The following CHST9 variants were observed in gnomAD, a reference collection of about 807,000 sequenced individuals.
The protein encoded by CHST9 is GalNAc-4-sulfotransferase 2.
A neutral mutation model predicts 44.4 loss-of-function variants in CHST9; 41 were observed. The observed-to-expected ratio is 0.92, with a 90% CI of 0.72 to 1.20. The LOEUF (loss-of-function observed/expected upper bound fraction) is 1.20, where lower values mean the gene tolerates loss of function less well. CHST9 is among the 50% of genes most tolerant of loss of function. The pLI is 0.00. For synonymous variants in CHST9, 171 were observed against 178.4 expected (o/e 0.96, Z 0.33); for missense variants, 504 against 516.5 (o/e 0.98, Z 0.23).
chr18:27,063,770 CA>C lies in CHST9; in HGVS notation c.122-15268del, dbSNP rs200749606. ...TCACTATTTGCTATAGATTTTTTTT[CA>C]AAAAAGTTATGAGATTATTTGCATA... On this transcript the variant is annotated intron_variant, in intron 2 of 5. Transcript: ENST00000618847. 6.2e-3 allele frequency among the ~76,000 whole-genome samples: 931 copies of C among 150,390 alleles called. 19 individuals carry two copies. Among genetic ancestry groups the C allele is most frequent in the African/African-American group, 0.021 (877 of 41,210 alleles).
chr18:27,091,459 C>A (rs138410508), intron 2 of CHST9, among the ~76,000 whole-genome samples: 12 of 151,994 alleles, frequency 7.9e-5, no homozygotes, highest in African/African-American at 7.3e-5. Context: ...CCTGATTGCC[C>A]TGGCCAGAAT....
intron 1 of CHST9, among the ~76,000 whole-genome samples, chr18:27,147,987 T>C (rs78731757): frequency 6.6e-6 from 1 of 152,048 alleles, no homozygotes; most frequent in East Asian, 1.9e-4. Flanking sequence ...TACTCATTAG[T>C]TATTTTTCCT....
intron 2 of CHST9, among the ~76,000 whole-genome samples, chr18:27,107,019 G>A (rs2058227210): frequency 6.6e-6 from 1 of 152,136 alleles, no homozygotes; most frequent in Admixed American, 6.5e-5. Flanking sequence ...TGGCATCAAA[G>A]GATGGAGTGG....
chr18:27,141,783 C>CA (rs1244736716), intron 2 of CHST9, among the ~76,000 whole-genome samples: 1 of 147,876 alleles, frequency 6.8e-6, no homozygotes, highest in Non-Finnish European at 1.5e-5. Context: ...CAACTGGAGA[C>CA]AATCAAAAAA....
intron 1 of CHST9, among the ~76,000 whole-genome samples, chr18:27,163,070 A>C (rs1315578079): frequency 6.6e-6 from 1 of 152,168 alleles, no homozygotes; most frequent in African/African-American, 2.4e-5. Context: ...AGTTTGCTGG[A>C]GGTCCACTCC....
chr18:27,082,445 C>T (rs900940333), intron 2 of CHST9, among the ~76,000 whole-genome samples: 1 of 152,130 alleles, frequency 6.6e-6, no homozygotes, highest in South Asian at 2.1e-4. Context: ...TGCTGTGTCC[C>T]ACAAGTGAGT....
chr18:27,129,257 C>T (rs1330343991), intron 2 of CHST9, among the ~76,000 whole-genome samples: 2 of 152,014 alleles, frequency 1.3e-5, no homozygotes, highest in Non-Finnish European at 2.9e-5. Flanking sequence ...TAAAAATGAT[C>T]CTTATTTTAT....
intron 1 of CHST9, among the ~76,000 whole-genome samples, chr18:27,170,536 T>G (rs2058826519): frequency 6.6e-6 from 1 of 152,188 alleles, no homozygotes; most frequent in Non-Finnish European, 1.5e-5. Flanking sequence ...TTCCCTTCAG[T>G]GTGATAGTGA....
chr18:27,083,295 T>C (rs2057978329), intron 2 of CHST9, among the ~76,000 whole-genome samples: 2 of 152,150 alleles, frequency 1.3e-5, no homozygotes, highest in Non-Finnish European at 2.9e-5. Flanking sequence ...ATTACTAAAA[T>C]TTAATATGAA....
intron 3 of CHST9, among the ~76,000 whole-genome samples, chr18:27,034,051 C>T (rs1395159704): frequency 6.6e-6 from 1 of 152,226 alleles, no homozygotes; most frequent in Admixed American, 6.5e-5. Context: ...TGTTTCTAAC[C>T]TAGATAATTG....
chr18:27,165,133 T>C (rs1042407861), intron 1 of CHST9, among the ~76,000 whole-genome samples: 25 of 152,242 alleles, frequency 1.6e-4, no homozygotes, highest in African/African-American at 5.3e-4. Context: ...AACAGATGCT[T>C]GGGAGACTGT....
chr18:26,944,321 G>A lies in CHST9; in HGVS notation c.240+8C>T. On this transcript the variant is annotated splice_region_variant and intron_variant, in intron 5 of 5. Coordinates refer to ENST00000618847, the MANE Select transcript of CHST9 (RefSeq NM_031422.6). The stretch of plus-strand genomic sequence containing the variant: ...CTATATTAGAGTTTACGAGAAATGA[G>A]AGAATACCTGGTTGGTGATATGTTC... The A allele has an allele frequency of 6.2e-7, 1 of 1,604,350 alleles. No individual in the cohort carries two copies. Among genetic ancestry groups the A allele is most frequent in the Non-Finnish European group, 8.5e-7 (1 of 1,171,730 alleles).
intron 2 of CHST9, among the ~76,000 whole-genome samples, chr18:27,082,722 T>C (rs999767909): frequency 2.0e-5 from 3 of 152,170 alleles, no homozygotes; most frequent in African/African-American, 7.2e-5. Context: ...AAGAAAAAGA[T>C]ATAACTTTGT....
intron 3 of CHST9, among the ~76,000 whole-genome samples, chr18:27,030,053 G>A (rs1157330321): frequency 6.6e-6 from 1 of 152,194 alleles, no homozygotes; most frequent in Non-Finnish European, 1.5e-5. Flanking sequence ...AATGATTTCA[G>A]TTTATGTTAA....
intron 2 of CHST9, among the ~76,000 whole-genome samples, chr18:27,078,479 A>C (rs544412035): frequency 1.3e-5 from 2 of 152,286 alleles, no homozygotes; most frequent in Non-Finnish European, 2.9e-5. Flanking sequence ...TAAAGTATAT[A>C]TATATATATC....
intron 5 of CHST9, among the ~76,000 whole-genome samples, chr18:26,930,515 A>G (rs1232059413): frequency 6.6e-6 from 1 of 152,114 alleles, no homozygotes; most frequent in Non-Finnish European, 1.5e-5. Context: ...TTTTTAGAAT[A>G]TTATTTCATT....
At chr18:27,168,630 T>C (rs188908117) in intron 1 of CHST9, among the ~76,000 whole-genome samples, 27 of 152,236 alleles carry the variant, frequency 1.8e-4, no homozygotes, top group Non-Finnish European at 3.4e-4. Flanking sequence ...TAGATATTAA[T>C]GAGAAAACCA....
chr18:26,966,541 G>A (rs1374389337), intron 4 of CHST9, among the ~76,000 whole-genome samples: 2 of 152,186 alleles, frequency 1.3e-5, no homozygotes, highest in Non-Finnish European at 2.9e-5. Flanking sequence ...CGTCTTTGAT[G>A]AAATGATGAT....
At position 26,952,098 on chromosome 18, in the gene CHST9, A is replaced by C. The variant is rs570296567; in HGVS notation, c.203-7732T>G. ...ACTGAAAAAGACAGAGCAATACTCG[A>C]ACAGCAAAGAGGAAGCCACTTAGAC... is the stretch of plus-strand genomic sequence containing the variant. On this transcript the variant is annotated intron_variant, in intron 4 of 5. Transcript: ENST00000618847. 34 of 421,174 alleles carry C rather than the reference A, an allele frequency of 8.1e-5. 1 individual carries two copies. The highest frequency in any genetic ancestry group is 6.3e-4 in the South Asian group (34 of 53,630). 26.1% of individuals were successfully genotyped at this position (421,174 alleles called of 1,614,324 possible). A position where few individuals can be genotyped will look rare whatever the true frequency, so the allele number is the denominator to read the frequency against.
Sources: gnomAD v4.1 joint callset for allele counts (sites outside exome capture counted in the v4.1 genomes callset) on GRCh38, gnomAD v4.1.1 for gene constraint, MANE v1.5 for transcripts, NCBI Gene and HGNC (gene_info 2026-07-23, HGNC 2026-07-21) for gene names.